QTMAN: variants seen among roughly 807,000 people sequenced by gnomAD.
QTMAN encodes the protein tRNA-queuosine alpha-mannosyltransferase.
chr2:144,190,643 G>A, the QTMAN span, among the ~76,000 whole-genome samples: 1 of 152,154 alleles, frequency 6.6e-6, no homozygotes, highest in African/African-American at 2.4e-5. Context: ...AATAATCACT[G>A]ATGCCTAAAT....
the QTMAN span, among the ~76,000 whole-genome samples, chr2:144,265,428 T>C: frequency 6.6e-6 from 1 of 152,214 alleles, no homozygotes; most frequent in Admixed American, 6.5e-5. Flanking sequence ...TCAGGCGCGG[T>C]GGCTCACACC....
At chr2:144,212,079 C>T in the QTMAN span, among the ~76,000 whole-genome samples, 2 of 152,196 alleles carry the variant, frequency 1.3e-5, no homozygotes, top group African/African-American at 4.8e-5. Flanking sequence ...CAAATGTCTC[C>T]TATTGGTGCC....
At chr2:144,255,757 A>G in the QTMAN span, among the ~76,000 whole-genome samples, 2 of 152,268 alleles carry the variant, frequency 1.3e-5, no homozygotes, top group Admixed American at 6.5e-5. Flanking sequence ...ACTATGTTGT[A>G]TGATACCACA....
chr2:144,308,553 G>A, the QTMAN span, among the ~76,000 whole-genome samples: 11 of 152,034 alleles, frequency 7.2e-5, 1 homozygote, highest in Middle Eastern at 3.4e-3. Context: ...GATCCTTACC[G>A]CACACTATAT....
At chr2:144,113,521 G>A in the QTMAN span, among the ~76,000 whole-genome samples, 1 of 152,128 alleles carries the variant, frequency 6.6e-6, no homozygotes, top group Non-Finnish European at 1.5e-5. Context: ...AACAGAAGAA[G>A]GTGATGATGA....
the QTMAN span, among the ~76,000 whole-genome samples, chr2:144,054,906 A>G: frequency 2.5e-4 from 38 of 152,216 alleles, no homozygotes; most frequent in Admixed American, 2.2e-3. Flanking sequence ...CTGATCAAAC[A>G]GGTTGAAAAT....
the QTMAN span, among the ~76,000 whole-genome samples, chr2:144,169,536 T>A: frequency 2.8e-4 from 43 of 152,276 alleles, no homozygotes; most frequent in African/African-American, 9.6e-4. Flanking sequence ...TAATTCTTTT[T>A]TATTAGACAA....
the QTMAN span, among the ~76,000 whole-genome samples, chr2:144,311,522 T>C: frequency 2.6e-5 from 4 of 152,214 alleles, no homozygotes; most frequent in Non-Finnish European, 4.4e-5. Context: ...AATTATAACA[T>C]GGGCAAGCAA....
At chr2:144,159,790 G>T in the QTMAN span, among the ~76,000 whole-genome samples, 5 of 152,028 alleles carry the variant, frequency 3.3e-5, 1 homozygote, top group Admixed American at 2.6e-4. Context: ...AAACAAAAAG[G>T]TTGGCTGAAG....
At chr2:144,331,552 A>T in the QTMAN span, among the ~76,000 whole-genome samples, 1 of 152,038 alleles carries the variant, frequency 6.6e-6, no homozygotes, top group Non-Finnish European at 1.5e-5. Context: ...CTTCTCTTTG[A>T]AACTCCCATC....
chr2:144,123,979 A>G, the QTMAN span, among the ~76,000 whole-genome samples: 1 of 152,140 alleles, frequency 6.6e-6, no homozygotes, highest in African/African-American at 2.4e-5. Flanking sequence ...CCCTCTAAAC[A>G]AACTAAAACA....
chr2:144,201,124 A>G, the QTMAN span, among the ~76,000 whole-genome samples: 1 of 152,240 alleles, frequency 6.6e-6, no homozygotes, highest in Non-Finnish European at 1.5e-5. Flanking sequence ...CAAAATTATT[A>G]CAGGTTATAT....
At chr2:144,011,937 T>A in the QTMAN span, 1 of 155,348 alleles carries the variant, frequency 6.4e-6, no homozygotes, top group Non-Finnish European at 1.4e-5. Context: ...TTTTCTTAAG[T>A]AAATTCTACT....
chr2:144,219,765 T>A, the QTMAN span, among the ~76,000 whole-genome samples: 1 of 152,092 alleles, frequency 6.6e-6, no homozygotes, highest in Admixed American at 6.6e-5. Context: ...GAGGTTGCAG[T>A]GAGCCGAAAT....
the QTMAN span, among the ~76,000 whole-genome samples, chr2:143,994,713 T>C: frequency 2.6e-5 from 4 of 152,138 alleles, no homozygotes; most frequent in Non-Finnish European, 4.4e-5. Flanking sequence ...AGCAAGTAGA[T>C]TAGTGGTTTC....
the QTMAN span, among the ~76,000 whole-genome samples, chr2:144,236,700 A>G: frequency 6.6e-6 from 1 of 152,168 alleles, no homozygotes; most frequent in Non-Finnish European, 1.5e-5. Flanking sequence ...AACAGTCTAC[A>G]TAACAAAAAA....
chr2:144,011,867 G>C, the QTMAN span: 3 of 313,548 alleles, frequency 9.6e-6, no homozygotes, highest in Non-Finnish European at 1.4e-5. Context: ...AGAAAAGAAA[G>C]GGTCAGAAGA....
At chr2:144,132,893 A>C in the QTMAN span, among the ~76,000 whole-genome samples, 4 of 150,758 alleles carry the variant, frequency 2.7e-5, no homozygotes, top group Non-Finnish European at 5.9e-5. Context: ...CTCAATCCTC[A>C]TAACACACCT....
At chr2:144,282,817 A>G in the QTMAN span, among the ~76,000 whole-genome samples, 2 of 152,140 alleles carry the variant, frequency 1.3e-5, no homozygotes, top group African/African-American at 4.8e-5. Flanking sequence ...TGGAACCTTC[A>G]GTTCCACCCA....
Sources: allele counts gnomAD v4.1 joint callset (sites outside exome capture counted in the v4.1 genomes callset), GRCh38; gene constraint gnomAD v4.1.1; transcripts MANE v1.5; gene names NCBI Gene and HGNC (gene_info 2026-07-23, HGNC 2026-07-21).